PTPRD: variants seen among roughly 807,000 people sequenced by gnomAD.
The protein encoded by PTPRD is protein tyrosine phosphatase receptor type D, also known as receptor-type tyrosine-protein phosphatase delta.
PTPRD carries 34 observed loss-of-function variants against 214.5 expected under a neutral mutation model. That is an observed-to-expected ratio of 0.16 (90% CI 0.12 to 0.21). PTPRD has a LOEUF of 0.21. Ranked by LOEUF, PTPRD falls within the 10% of genes least tolerant of loss-of-function variation. The probability of loss-of-function intolerance (pLI) is 1.00; values close to 1 mark genes in which losing one functional copy is unlikely to be tolerated. For missense variants in PTPRD, 2,545 were observed against 2,398.7 expected (o/e 1.06, Z -1.27); for synonymous variants, 1,128 against 845.7 (o/e 1.33, Z -5.79).
chr9:9,457,884 T>G lies in PTPRD; in HGVS notation c.-236-60402A>C, dbSNP rs188238062. 5.9e-5 allele frequency among the ~76,000 whole-genome samples: 9 copies of G among 152,180 alleles called. No homozygotes were observed. In the East Asian group the frequency reaches 1.7e-3, roughly 29 times the overall value. ...TAGAGCAGTCCACTAACACTATAAA[T>G]TATATCCCTACTACCATCATTGGTG... On this transcript the variant is annotated intron_variant, in intron 8 of 45. Coordinates refer to ENST00000381196, the MANE Select transcript of PTPRD (RefSeq NM_002839.4).
intron 9 of PTPRD, among the ~76,000 whole-genome samples, chr9:9,346,066 C>T (rs2048681930): frequency 6.6e-6 from 1 of 152,068 alleles, no homozygotes; most frequent in Admixed American, 6.6e-5. Flanking sequence ...GTTCTGGAAG[C>T]TCCCTCACGT....
At chr9:8,999,671 A>C (rs2099410153) in intron 11 of PTPRD, among the ~76,000 whole-genome samples, 1 of 151,918 alleles carries the variant, frequency 6.6e-6, no homozygotes, top group Non-Finnish European at 1.5e-5. Context: ...TCCTCTACAG[A>C]TGTGTTAACA....
chr9:9,175,556 G>C (rs528516883), intron 10 of PTPRD, among the ~76,000 whole-genome samples: 1 of 147,414 alleles, frequency 6.8e-6, no homozygotes, highest in South Asian at 2.1e-4. Context: ...CTGGGAGATG[G>C]AGGTTACAGT....
chr9:10,128,709 C>G (rs2098837657), intron 3 of PTPRD, among the ~76,000 whole-genome samples: 1 of 152,120 alleles, frequency 6.6e-6, no homozygotes, highest in African/African-American at 2.4e-5. Context: ...GCGATACCGT[C>G]TTTAGGGACT....
intron 3 of PTPRD, among the ~76,000 whole-genome samples, chr9:10,272,200 T>C (rs1420646811): frequency 6.6e-6 from 1 of 152,186 alleles, no homozygotes; most frequent in Non-Finnish European, 1.5e-5. Context: ...CGAAATCATA[T>C]AATATGTGGT....
rs576584084 is a variant in PTPRD, at chr9:9,676,694, A to C, written c.-287+57839T>G. Among the ~76,000 whole-genome samples, 544 of 152,230 alleles carry C rather than the reference A, an allele frequency of 3.6e-3. 3 individuals carry two copies. The highest frequency in any genetic ancestry group is 0.013 in the African/African-American group (521 of 41,542). ...ATTTCTAGTTCTAGATCCCTGAGGA[A>C]TCGCCACACTGACTTCCACAATGGT... On this transcript the variant is annotated intron_variant, in intron 7 of 45. Coordinates refer to ENST00000381196, the MANE Select transcript of PTPRD (RefSeq NM_002839.4).
intron 9 of PTPRD, among the ~76,000 whole-genome samples, chr9:9,371,558 A>C (rs2059497713): frequency 6.6e-6 from 1 of 152,114 alleles, no homozygotes; most frequent in Non-Finnish European, 1.5e-5. Context: ...CTTTTCAAAA[A>C]ACCAGCTCCT....
chr9:10,417,432 C>T (rs2098502516), intron 2 of PTPRD, among the ~76,000 whole-genome samples: 2 of 151,916 alleles, frequency 1.3e-5, no homozygotes, highest in Admixed American at 6.6e-5. Flanking sequence ...TAACTCTGTG[C>T]TCTTTCTTCA....
chr9:8,931,725 T>C (rs954304815), intron 11 of PTPRD, among the ~76,000 whole-genome samples: 2 of 152,184 alleles, frequency 1.3e-5, no homozygotes, highest in African/African-American at 4.8e-5. Context: ...TTTGGAGTAG[T>C]TTCAGAAGGA....
At chr9:9,508,243 A>G (rs1590178563) in intron 8 of PTPRD, among the ~76,000 whole-genome samples, 1 of 151,514 alleles carries the variant, frequency 6.6e-6, no homozygotes, top group East Asian at 1.9e-4. Context: ...CACTGTATCT[A>G]TTTTCCTTAT....
chr9:9,235,194 A>G (rs976876668), intron 9 of PTPRD, among the ~76,000 whole-genome samples: 1 of 152,134 alleles, frequency 6.6e-6, no homozygotes, highest in Admixed American at 6.6e-5. Flanking sequence ...AAACCATCAT[A>G]TCTTATGCAA....
intron 27 of PTPRD, among the ~76,000 whole-genome samples, chr9:8,489,237 A>C (rs752085157): frequency 2.6e-5 from 4 of 152,322 alleles, no homozygotes; most frequent in Non-Finnish European, 5.9e-5. Context: ...GTTAAAGCTT[A>C]GGATGGAGTA....
chr9:9,346,696 T>A (rs1332844360), intron 9 of PTPRD, among the ~76,000 whole-genome samples: 1 of 152,134 alleles, frequency 6.6e-6, no homozygotes, highest in Non-Finnish European at 1.5e-5. Flanking sequence ...TGCCTTAATT[T>A]TTTTTTTCTT....
intron 7 of PTPRD, among the ~76,000 whole-genome samples, chr9:9,615,322 G>T (rs2094792344): frequency 6.6e-6 from 1 of 152,098 alleles, no homozygotes. Flanking sequence ...CGGCCACCAG[G>T]CGCTGATCTG....
intron 9 of PTPRD, among the ~76,000 whole-genome samples, chr9:9,205,888 C>T (rs1489678916): frequency 6.6e-6 from 1 of 152,088 alleles, no homozygotes; most frequent in Non-Finnish European, 1.5e-5. Flanking sequence ...ACACAATTAA[C>T]AAATCATTAT....
chr9:9,960,391 T>C (rs1427206834), intron 4 of PTPRD, among the ~76,000 whole-genome samples: 4 of 152,086 alleles, frequency 2.6e-5, no homozygotes, highest in Non-Finnish European at 5.9e-5. Flanking sequence ...CTCAAGAAAG[T>C]GGAGCGTAAC....
At chr9:9,505,154 A>G (rs991488166) in intron 8 of PTPRD, among the ~76,000 whole-genome samples, 2 of 151,572 alleles carry the variant, frequency 1.3e-5, no homozygotes, top group African/African-American at 4.8e-5. Flanking sequence ...ATTTCCCCTA[A>G]TAAATCATTT....
intron 10 of PTPRD, among the ~76,000 whole-genome samples, chr9:9,080,147 C>T (rs112844305): frequency 2.0e-4 from 30 of 152,088 alleles, no homozygotes; most frequent in African/African-American, 6.7e-4. Context: ...TTATATTACT[C>T]ATTTCTCAAT....
chr9:10,250,567 T>G (rs192141789), intron 3 of PTPRD, among the ~76,000 whole-genome samples: 37 of 152,234 alleles, frequency 2.4e-4, no homozygotes, highest in African/African-American at 8.4e-4. Flanking sequence ...AAGCTTAATC[T>G]CAGATTTAAA....
Sources: allele counts gnomAD v4.1 joint callset (sites outside exome capture counted in the v4.1 genomes callset), GRCh38; gene constraint gnomAD v4.1.1; transcripts MANE v1.5; gene names NCBI Gene and HGNC (gene_info 2026-07-23, HGNC 2026-07-21).